Variants in CSMD3 observed in about 807,000 individuals in gnomAD.
CSMD3 encodes the protein CUB and Sushi multiple domains 3, also known as CUB and sushi domain-containing protein 3.
A neutral mutation model predicts 435.2 loss-of-function variants in CSMD3; 177 were observed. The observed-to-expected ratio is 0.41, with a 90% CI of 0.36 to 0.46. CSMD3 has a LOEUF of 0.46. Among genes scored for constraint, CSMD3 ranks in the 20% least tolerant of loss-of-function variants. The pLI is 0.34. For missense variants in CSMD3, 4,265 were observed against 4,504.6 expected (o/e 0.95, Z 1.52); for synonymous variants, 1,656 against 1,520.5 (o/e 1.09, Z -2.07).
At chr8:112,751,494 G>C (rs1037486985) in intron 13 of CSMD3, among the ~76,000 whole-genome samples, 2 of 151,964 alleles carry the variant, frequency 1.3e-5, no homozygotes, top group African/African-American at 4.8e-5. Flanking sequence ...CTCAGAATCT[G>C]TATTACAAGG....
At chr8:112,487,231 A>C (rs1206379320) in intron 31 of CSMD3, among the ~76,000 whole-genome samples, 1 of 152,198 alleles carries the variant, frequency 6.6e-6, no homozygotes, top group Non-Finnish European at 1.5e-5. Flanking sequence ...ATAGATATTG[A>C]TTCTGTCCTG....
chr8:112,740,430 C>T (rs2077279186), intron 13 of CSMD3, among the ~76,000 whole-genome samples: 1 of 151,376 alleles, frequency 6.6e-6, no homozygotes, highest in African/African-American at 2.4e-5. Context: ...ATTGACCTTC[C>T]TCACTCTTTT....
chr8:112,388,964 G>A (rs9297473), intron 36 of CSMD3, among the ~76,000 whole-genome samples: 32,507 of 151,932 alleles, frequency 0.21, 4,227 homozygotes, highest in Middle Eastern at 0.38. Context: ...AGATGTAGAA[G>A]AGAAAACAAA....
At chr8:112,359,403 C>T (rs2131104467) in intron 38 of CSMD3, among the ~76,000 whole-genome samples, 1 of 152,244 alleles carries the variant, frequency 6.6e-6, no homozygotes, top group East Asian at 1.9e-4. Flanking sequence ...CAATATTTAT[C>T]TCCCATCTGA....
intron 3 of CSMD3, among the ~76,000 whole-genome samples, chr8:113,210,008 G>A (rs1451231478): frequency 2.3e-5 from 2 of 85,142 alleles, no homozygotes; most frequent in East Asian, 6.6e-4. Flanking sequence ...TAAAAGGTGT[G>A]TGTGTGTGTG....
intron 27 of CSMD3, among the ~76,000 whole-genome samples, chr8:112,537,046 C>A (rs572897628): frequency 5.9e-5 from 9 of 152,010 alleles, no homozygotes; most frequent in African/African-American, 2.2e-4. Context: ...GGAGGGATAG[C>A]ATTAGGAGAT....
At chr8:113,391,815 G>C (rs2094462317) in intron 1 of CSMD3, among the ~76,000 whole-genome samples, 1 of 151,938 alleles carries the variant, frequency 6.6e-6, no homozygotes, top group Admixed American at 6.6e-5. Context: ...TGAAGAACTA[G>C]AGGGGCTAGA....
chr8:112,632,277 T>C (rs942781423), intron 22 of CSMD3, among the ~76,000 whole-genome samples: 1 of 152,148 alleles, frequency 6.6e-6, no homozygotes, highest in Middle Eastern at 3.4e-3. Context: ...TCATATATCA[T>C]CTGAAAGGTC....
At chr8:112,876,639 A>T (rs907858312) in intron 10 of CSMD3, among the ~76,000 whole-genome samples, 10 of 152,184 alleles carry the variant, frequency 6.6e-5, no homozygotes, top group African/African-American at 2.4e-4. Context: ...ACAGCGCTTC[A>T]TGCTAAAAAC....
intron 13 of CSMD3, among the ~76,000 whole-genome samples, chr8:112,748,369 G>C (rs2077488721): frequency 6.6e-6 from 1 of 152,048 alleles, no homozygotes; most frequent in African/African-American, 2.4e-5. Flanking sequence ...AGTTTTGGGG[G>C]TACATGTGAA....
At chr8:113,230,822 C>A (rs1387712210) in intron 3 of CSMD3, among the ~76,000 whole-genome samples, 6 of 151,370 alleles carry the variant, frequency 4.0e-5, no homozygotes. Context: ...CTTATGTCCT[C>A]CAGAATAAAA....
chr8:113,292,915 GA>G (rs941366267), intron 2 of CSMD3, among the ~76,000 whole-genome samples: 5 of 151,604 alleles, frequency 3.3e-5, no homozygotes, highest in South Asian at 2.1e-4. Context: ...GAAGAAAGAT[GA>G]AAAAAAATTT....
At chr8:112,368,617 G>C (rs1188086948) in intron 38 of CSMD3, among the ~76,000 whole-genome samples, 1 of 152,092 alleles carries the variant, frequency 6.6e-6, no homozygotes, top group Non-Finnish European at 1.5e-5. Flanking sequence ...CATTTAACAA[G>C]TACTCAATAA....
At chr8:112,740,197 A>T (rs1264305158) in intron 13 of CSMD3, among the ~76,000 whole-genome samples, 5 of 151,844 alleles carry the variant, frequency 3.3e-5, no homozygotes, top group Admixed American at 6.6e-5. Context: ...TATAAAAAAA[A>T]TTTTAAAATA....
intron 46 of CSMD3, among the ~76,000 whole-genome samples, 193 bp from the exon 47 acceptor site, chr8:112,319,143 C>T (rs937117855): frequency 6.6e-6 from 1 of 152,044 alleles, no homozygotes; most frequent in Non-Finnish European, 1.5e-5. Flanking sequence ...CCCATCAGGA[C>T]TGAAGGCAAA....
intron 9 of CSMD3, among the ~76,000 whole-genome samples, chr8:112,930,834 C>T (rs1194536277): frequency 1.3e-5 from 2 of 151,942 alleles, no homozygotes; most frequent in African/African-American, 4.8e-5. Context: ...ACTGGAAGGA[C>T]CAGTTAGATT....
intron 39 of CSMD3, among the ~76,000 whole-genome samples, chr8:112,351,507 C>G (rs991250714): frequency 2.0e-5 from 3 of 151,722 alleles, no homozygotes; most frequent in Non-Finnish European, 4.4e-5. Context: ...TTAATATTTT[C>G]CTATAACAAT....
At chr8:112,318,736 A>C in intron 47 of CSMD3, 101 bp downstream of exon 47, 1 of 755,896 alleles carries the variant, frequency 1.3e-6, no homozygotes, top group Non-Finnish European at 2.3e-6. Flanking sequence ...TTTCCAGTTA[A>C]ACATTTCATA....
At chr8:113,144,021 G>T (rs1443827083) in intron 4 of CSMD3, among the ~76,000 whole-genome samples, 1 of 150,872 alleles carries the variant, frequency 6.6e-6, no homozygotes, top group Non-Finnish European at 1.5e-5. Context: ...CAAAACAAAA[G>T]TTTAATTTAA....
Sources: gnomAD v4.1 joint callset for allele counts (sites outside exome capture counted in the v4.1 genomes callset) on GRCh38, gnomAD v4.1.1 for gene constraint, MANE v1.5 for transcripts, NCBI Gene and HGNC (gene_info 2026-07-23, HGNC 2026-07-21) for gene names.